Variants in ACSM2A observed in about 807,000 individuals in gnomAD.
ACSM2A encodes the protein acyl-coenzyme A synthetase ACSM2A, mitochondrial.
Under a neutral mutation model 76.6 loss-of-function variants are expected in ACSM2A, and 72 were observed. The observed-to-expected ratio is 0.94, with a 90% CI of 0.78 to 1.14. The LOEUF is 1.14. Ranked by LOEUF, ACSM2A falls within the 50% of genes most tolerant of loss-of-function variation. The probability of loss-of-function intolerance (pLI) is 0.00; values close to 1 mark genes in which losing one functional copy is unlikely to be tolerated. For synonymous variants in ACSM2A, 249 were observed against 255.9 expected, an observed-to-expected ratio of 0.97 and a Z score of 0.26; for missense variants, 684 against 708.5, an observed-to-expected ratio of 0.97 and a Z score of 0.39.
chr16:20,458,920 A>ATAC (rs2012420716), intron 1 of ACSM2A, among the ~76,000 whole-genome samples: 1 of 73,380 alleles, frequency 1.4e-5, no homozygotes, highest in African/African-American at 8.4e-5. Context: ...ATATATATAT[A>ATAC]TATATATATA....
chr16:20,453,298 A>T (rs2141674436), intron 1 of ACSM2A: 1 of 151,784 alleles, frequency 6.6e-6, no homozygotes, highest in Admixed American at 6.6e-5. Context: ...AAGAACATAA[A>T]TTGTGAAGAT....
chr16:20,480,921 G>A lies in ACSM2A; in HGVS notation c.1509G>A (p.Glu503=), dbSNP rs2014046592. 3 of 1,613,814 alleles carry A rather than the reference G, an allele frequency of 1.9e-6. No homozygotes were observed. Among genetic ancestry groups the A allele is most frequent in the African/African-American group, 2.7e-5 (2 of 74,886 alleles). Residue 503 remains glutamate, a splice_region_variant and synonymous_variant, in exon 12 of 14, where the codon GAG becomes GAA. Coordinates refer to ENST00000573854, the MANE Select transcript of ACSM2A (RefSeq NM_001308172.2). The stretch of plus-strand genomic sequence containing the variant: ...GCAGCCCAGACCCCGTCCGAGGAGA[G>A]GTGATGGGGAAGCAGTAGCCTGGGG... ...VISSPDPVRG[E]VVKAFVVLAS... is the part of the protein sequence containing the mutation.
chr16:20,458,909 T>TATATATATATATATATATATATAC (rs1283996658), intron 1 of ACSM2A, among the ~76,000 whole-genome samples: 1 of 56,726 alleles, frequency 1.8e-5, no homozygotes, highest in Non-Finnish European at 3.1e-5. Flanking sequence ...TATATGCATA[T>TATATATATATATATATATATATAC]ATATATATAT....
At chr16:20,454,669 G>A (rs909771962) in intron 1 of ACSM2A, among the ~76,000 whole-genome samples, 4 of 151,930 alleles carry the variant, frequency 2.6e-5, no homozygotes, top group Non-Finnish European at 5.9e-5. Context: ...ATAGCCTTGA[G>A]CCCCAGATCT....
At chr16:20,458,509 T>C (rs989855824) in intron 1 of ACSM2A, among the ~76,000 whole-genome samples, 3 of 145,572 alleles carry the variant, frequency 2.1e-5, no homozygotes, top group African/African-American at 7.5e-5. Context: ...TATTACATTA[T>C]ATATTATATA....
chr16:20,462,998 A>T lies in ACSM2A; in HGVS notation c.178-2519A>T, dbSNP rs9302385. Among the ~76,000 whole-genome samples, 351 of 148,886 alleles carry T rather than the reference A, an allele frequency of 2.4e-3. 1 individual carries two copies. The highest frequency in any genetic ancestry group is 6.7e-3 in the African/African-American group (270 of 40,412). On this transcript the variant is annotated intron_variant, in intron 2 of 13. Coordinates refer to ENST00000573854, the MANE Select transcript of ACSM2A (RefSeq NM_001308172.2). Reference sequence around the variant, plus strand: ...TCGCAAGGACAAAAAAACCAAACACAGCATGTTCTCACTCATAGGTGGGAA... The same window carrying T: ...TCGCAAGGACAAAAAAACCAAACACTGCATGTTCTCACTCATAGGTGGGAA...
intron 8 of ACSM2A, chr16:20,476,197 A>G (rs1308444471): frequency 1.8e-5 from 18 of 1,003,154 alleles, no homozygotes; most frequent in African/African-American, 3.5e-5. Context: ...GACTGAAGTG[A>G]GGAATGGGAA....
Position 20,486,760 on chromosome 16 carries a change from A to G in ACSM2A, c.*82A>G. 1 of 1,464,268 alleles carries G rather than the reference A, an allele frequency of 6.8e-7. No homozygotes were observed. Among genetic ancestry groups the G allele is most frequent in the Non-Finnish European group, 9.4e-7 (1 of 1,060,184 alleles). 90.7% of individuals were successfully genotyped at this position (1,464,268 alleles called of 1,614,324 possible). A position where few individuals can be genotyped will look rare whatever the true frequency, so the allele number is the denominator to read the frequency against. ...GGGCCCTTGGCCTTCCTATGATTAT[A>G]TGAGATTCTTTATGGAAGAACATGA... On this transcript the variant is annotated 3_prime_UTR_variant, in exon 14 of 14. Coordinates refer to ENST00000573854, the MANE Select transcript of ACSM2A (RefSeq NM_001308172.2).
At chr16:20,467,488 G>C (rs1216534492) in intron 3 of ACSM2A, among the ~76,000 whole-genome samples, 10 of 152,226 alleles carry the variant, frequency 6.6e-5, no homozygotes, top group Non-Finnish European at 1.5e-4. Context: ...CAGATAAGAG[G>C]TGAAGCGATG....
At chr16:20,465,418 A>T (rs1454631724) in intron 2 of ACSM2A, 99 bp from the exon 3 acceptor site, 7 of 1,479,832 alleles carry the variant, frequency 4.7e-6, no homozygotes, top group East Asian at 2.4e-5. Flanking sequence ...GAGATAAAAA[A>T]CCTTACTAAG....
intron 9 of ACSM2A, among the ~76,000 whole-genome samples, chr16:20,477,945 A>T (rs1226886549): frequency 6.6e-6 from 1 of 152,162 alleles, no homozygotes; most frequent in Non-Finnish European, 1.5e-5. Flanking sequence ...TGTAGTAGCT[A>T]AAGTTTTATT....
chr16:20,458,891 AT>A (rs2012387351), intron 1 of ACSM2A, among the ~76,000 whole-genome samples: 2 of 113,314 alleles, frequency 1.8e-5, no homozygotes, highest in Admixed American at 1.1e-4. Context: ...CATAGTATAT[AT>A]TATATATATA....
At position 20,458,694 on chromosome 16, in the gene ACSM2A, CTA is replaced by C. The variant is rs542833894; in HGVS notation, c.-8-1403_-8-1402del. Among the ~76,000 whole-genome samples the C allele has an allele frequency of 2.7e-3, 377 of 137,734 alleles. 5 individuals carry two copies. Among genetic ancestry groups the C allele is most frequent in the East Asian group, 0.016 (76 of 4,788 alleles). 90.4% of individuals were successfully genotyped at this position (137,734 alleles called of 152,430 possible). On this transcript the variant is annotated intron_variant, in intron 1 of 13. Coordinates refer to ENST00000573854, the MANE Select transcript of ACSM2A (RefSeq NM_001308172.2). Reference sequence around the variant, plus strand: ...TATATCTATATATCTCTATATCTGTCTATATATATATCATCTTCCATGAAGTC... The same window carrying C: ...TATATCTATATATCTCTATATCTGTCTATATATATCATCTTCCATGAAGTC...
At chr16:20,473,173 G>A (rs927910410) in intron 6 of ACSM2A, among the ~76,000 whole-genome samples, 3 of 152,186 alleles carry the variant, frequency 2.0e-5, no homozygotes, top group African/African-American at 7.2e-5. Context: ...AAAGGTTCAA[G>A]CTAAGGCATA....
intron 3 of ACSM2A, among the ~76,000 whole-genome samples, chr16:20,468,812 C>A (rs1233070968): frequency 6.6e-6 from 1 of 152,168 alleles, no homozygotes; most frequent in Admixed American, 6.5e-5. Context: ...ATAAATTGTA[C>A]AGCATGCTAA....
At chr16:20,464,672 G>A (rs1219416717) in intron 2 of ACSM2A, among the ~76,000 whole-genome samples, 3 of 152,100 alleles carry the variant, frequency 2.0e-5, no homozygotes, top group Admixed American at 1.3e-4. Flanking sequence ...ATTGGGGATT[G>A]CATTTCAACA....
rs1408225175 is a variant in ACSM2A, at chr16:20,475,750, G to A, written c.1075G>A (p.Glu359Lys). ...GGCCCAGACAGGACTGGACATCCGA[G>A]AATCCTATGGCCAGACAGAAACGGT... is the stretch of plus-strand genomic sequence containing the variant. ...WRAQTGLDIR[E>K]SYGQTETGLT... Residue 359 changes from glutamate to lysine, a missense_variant, in exon 8 of 14, where the codon GAA becomes AAA. Physicochemically the swap from Glu to Lys is moderately conservative, Grantham distance 56. Coordinates refer to ENST00000573854, the MANE Select transcript of ACSM2A (RefSeq NM_001308172.2). The A allele has an allele frequency of 6.2e-7, 1 of 1,613,898 alleles. No homozygotes were observed. Among genetic ancestry groups the A allele is most frequent in the Non-Finnish European group, 8.5e-7 (1 of 1,179,910 alleles).
intron 3 of ACSM2A, among the ~76,000 whole-genome samples, chr16:20,466,851 AC>A (rs2013029986): frequency 6.6e-6 from 1 of 152,258 alleles, no homozygotes; most frequent in East Asian, 1.9e-4. Context: ...AAATCTTGTG[AC>A]CTCTGGCTCC....
chr16:20,465,697 T>A lies in ACSM2A; in HGVS notation c.358T>A (p.Trp120Arg). 6.2e-7 allele frequency: 1 copy of A among 1,613,930 alleles called. No homozygotes were observed. The highest frequency in any genetic ancestry group is 8.5e-7 in the Non-Finnish European group (1 of 1,179,840). The change falls in exon 3 of 14, where the codon TGG becomes AGG. Residue 120 changes from tryptophan (W) to arginine (R), a missense_variant. Physicochemically the swap from Trp to Arg is moderately radical, Grantham distance 101. This residue lies in a region of ACSM2A where 519 missense variants were observed against 549.5 expected (regional missense o/e 0.94). Coordinates refer to ENST00000573854, the MANE Select transcript of ACSM2A (RefSeq NM_001308172.2). ...AVVLPRVPEW[W>R]LVILGCIRAG... ...GGTGCTGCCCCGAGTGCCTGAGTGG[T>A]GGCTGGTGATCCTGGGCTGCATTCG...
Sources: allele counts gnomAD v4.1 joint callset (sites outside exome capture counted in the v4.1 genomes callset), GRCh38; gene constraint gnomAD v4.1.1; regional missense constraint gnomAD v4.1.1; transcripts MANE v1.5; gene names NCBI Gene and HGNC (gene_info 2026-07-23, HGNC 2026-07-21).